MET: variants seen among roughly 807,000 people sequenced by gnomAD.
MET encodes MET proto-oncogene, receptor tyrosine kinase.
Under a neutral mutation model 133.1 loss-of-function variants are expected in MET, and 48 were observed. That is an observed-to-expected ratio of 0.36 (90% confidence interval 0.29 to 0.46). The LOEUF is 0.46. Ranked by LOEUF, MET falls within the 20% of genes least tolerant of loss-of-function variation. The pLI is 1.00. For missense variants in MET, 1,442 were observed against 1,695.9 expected (o/e 0.85, Z 2.63); for synonymous variants, 628 against 616.5 (o/e 1.02, Z -0.28).
chr7:116,743,708 A>G (rs1584926304), intron 5 of MET, among the ~76,000 whole-genome samples: 1 of 152,224 alleles, frequency 6.6e-6, no homozygotes, highest in Non-Finnish European at 1.5e-5. Flanking sequence ...TGCCTCTTCA[A>G]GTGGGCCCCT....
chr7:116,701,553 A>G (rs968072005), intron 2 of MET, among the ~76,000 whole-genome samples: 1 of 152,162 alleles, frequency 6.6e-6, no homozygotes, highest in Non-Finnish European at 1.5e-5. Context: ...TTGGTGAACT[A>G]AAAACAAAAC....
chr7:116,719,287 T>G (rs1334512628), intron 2 of MET, among the ~76,000 whole-genome samples: 4 of 151,150 alleles, frequency 2.6e-5, no homozygotes, highest in Non-Finnish European at 4.4e-5. Flanking sequence ...TGCATAAATG[T>G]CTTCTTTTGA....
chr7:116,777,801 C>T (rs150673762), intron 16 of MET, among the ~76,000 whole-genome samples: 36 of 152,248 alleles, frequency 2.4e-4, no homozygotes, highest in Non-Finnish European at 3.7e-4. Flanking sequence ...TTGGCACCTA[C>T]AGTAGTAATG....
chr7:116,771,696 A>G, intron 13 of MET, 42 bp downstream of exon 13: 1 of 1,610,860 alleles, frequency 6.2e-7, no homozygotes, highest in African/African-American at 1.3e-5. Flanking sequence ...TTACCTTAAG[A>G]ACACAGTCAT....
intron 13 of MET, 62 bp from the exon 14 acceptor site, chr7:116,771,787 A>G (rs1450806065): frequency 1.4e-5 from 22 of 1,612,268 alleles, no homozygotes; most frequent in Middle Eastern, 1.6e-4. Context: ...GCACTGGGTC[A>G]AAGTCTCCTG....
At chr7:116,703,114 T>C (rs1791641756) in intron 2 of MET, among the ~76,000 whole-genome samples, 1 of 152,192 alleles carries the variant, frequency 6.6e-6, no homozygotes, top group Non-Finnish European at 1.5e-5. Context: ...CTATTTGTGC[T>C]TCAGAACTCT....
chr7:116,716,284 G>GGAGAGAGAGAGAGAGAGAGAGA (rs564115135), intron 2 of MET, among the ~76,000 whole-genome samples: 2 of 38,022 alleles, frequency 5.3e-5, no homozygotes, highest in African/African-American at 1.9e-4. Flanking sequence ...AGGGAGAGAG[G>GGAGAGAGAGAGAGAGAGAGAGA]GAGAGAGAGA....
chr7:116,672,347 A>C lies in MET; in HGVS notation c.-245A>C, dbSNP rs1796002233. On this transcript the variant is annotated 5_prime_UTR_variant, in exon 1 of 21. Transcript: ENST00000397752. ...CGCGCGTGTGGGAAGGGGCGGAGGGAGTGCGGCCGGCGGGCGGGCGGGGCG... is the reference window on the plus strand; with the variant it reads ...CGCGCGTGTGGGAAGGGGCGGAGGGCGTGCGGCCGGCGGGCGGGCGGGGCG... 2 of 326,650 alleles carry C rather than the reference A, an allele frequency of 6.1e-6. No homozygotes were observed. The highest frequency in any genetic ancestry group is 1.1e-5 in the Non-Finnish European group (2 of 180,420). 20.2% of individuals were successfully genotyped at this position (326,650 alleles called of 1,614,324 possible).
Position 116,777,272 on chromosome 7 carries a change from AC to A in MET, c.3260-116del. The A allele has an allele frequency of 4.6e-6, 4 of 872,152 alleles. No homozygotes were observed. The South Asian group carries it at 5.7e-5, about 12-fold the overall frequency. 54.0% of individuals were successfully genotyped at this position (872,152 alleles called of 1,614,324 possible). A position where few individuals can be genotyped will look rare whatever the true frequency, so the allele number is the denominator to read the frequency against. ...ATTGTTAAAAGTATTTTTTAAATGT[AC>A]TCTTTTGCTGTATAGAAAGAAGAAA... On this transcript the variant is annotated intron_variant, in intron 15 of 20. Transcript: ENST00000397752.
chr7:116,727,941 TG>T (rs1345488283), intron 2 of MET, among the ~76,000 whole-genome samples: 1 of 152,226 alleles, frequency 6.6e-6, no homozygotes, highest in African/African-American at 2.4e-5. Flanking sequence ...CCCTGTTAGT[TG>T]AAGTCCTACT....
At position 116,769,758 on chromosome 7, in the gene MET, C is replaced by T. The variant is rs1584953336; in HGVS notation, c.2697C>T (p.Asp899=). The change falls in exon 12 of 21, where the codon GAC becomes GAT. Residue 899 remains aspartate, a synonymous_variant. Transcript: ENST00000397752. ...CCGTTTTATGCACGGTCCCCAATGA[C>T]CTGCTGAAATTGAACAGCGAGCTAA... ...SEAVLCTVPN[D]LLKLNSELNI... 26 of 1,613,676 alleles carry T rather than the reference C, an allele frequency of 1.6e-5. No homozygotes were observed. The highest frequency in any genetic ancestry group is 2.2e-5 in the Non-Finnish European group (26 of 1,179,824).
intron 3 of MET, among the ~76,000 whole-genome samples, chr7:116,732,807 A>T (rs879744409): frequency 1.3e-5 from 2 of 151,400 alleles, no homozygotes; most frequent in African/African-American, 4.9e-5. Context: ...TTTAATTACC[A>T]CTCTCTTTAT....
In MET at chr7:116,758,554, C is replaced by A. The variant is rs201271860; in HGVS notation, c.2198C>A (p.Thr733Lys). 6.2e-7 allele frequency: 1 copy of A among 1,613,778 alleles called. No individual in the cohort carries two copies. Among genetic ancestry groups the A allele is most frequent in the South Asian group, 1.1e-5 (1 of 91,072 alleles). Reference protein sequence around the residue: ...KLKIDLANRETSIFSYREDPI... With the variant: ...KLKIDLANREKSIFSYREDPI... ...AAAATTGACTTAGCCAACCGAGAGA[C>A]AAGCATCTTCAGTTACCGTGAAGAT... Residue 733 changes from threonine to lysine, a missense_variant, in exon 9 of 21, where the codon ACA (threonine) becomes AAA (lysine). Transcript: ENST00000397752.
At chr7:116,743,429 G>C (rs954543426) in intron 5 of MET, among the ~76,000 whole-genome samples, 1 of 152,324 alleles carries the variant, frequency 6.6e-6, no homozygotes, top group African/African-American at 2.4e-5. Context: ...AAGTGGTCTA[G>C]CTCAGTGGAT....
intron 9 of MET, 107 bp from the exon 10 acceptor site, chr7:116,759,283 GT>G: frequency 1.3e-6 from 2 of 1,504,652 alleles, no homozygotes; most frequent in Admixed American, 4.1e-5. Flanking sequence ...GATGTTGACT[GT>G]GCCTCTGACC....
intron 1 of MET, among the ~76,000 whole-genome samples, chr7:116,691,544 AAAG>A (rs1475996706): frequency 6.6e-6 from 1 of 152,242 alleles, no homozygotes; most frequent in Non-Finnish European, 1.5e-5. Context: ...ATAAGGAAGA[AAAG>A]AAGAAATTTT....
chr7:116,680,613 G>C (rs192965555), intron 1 of MET, among the ~76,000 whole-genome samples: 4 of 152,186 alleles, frequency 2.6e-5, no homozygotes, highest in East Asian at 1.9e-4. Context: ...TAAGAATCAG[G>C]CTGCCTGAAT....
intron 3 of MET, among the ~76,000 whole-genome samples, chr7:116,734,036 C>G (rs28841): frequency 0.98 from 149,721 of 152,288 alleles, 73,615 homozygotes; most frequent in East Asian, 1. Context: ...AATAATAGTG[C>G]GGGAGGAGTC....
chr7:116,722,233 T>C (rs1016244343), intron 2 of MET, among the ~76,000 whole-genome samples: 10 of 151,170 alleles, frequency 6.6e-5, no homozygotes, highest in Admixed American at 1.3e-4. Flanking sequence ...CCTTTACCAT[T>C]ATGTAATGGC....
Sources: allele counts gnomAD v4.1 joint callset (sites outside exome capture counted in the v4.1 genomes callset), GRCh38; gene constraint gnomAD v4.1.1; transcripts MANE v1.5; gene names NCBI Gene and HGNC (gene_info 2026-07-23, HGNC 2026-07-21).